TUBGCP5: variants seen among roughly 807,000 people sequenced by gnomAD.
TUBGCP5 encodes tubulin gamma complex component 5, also known as gamma-tubulin complex component 5.
Under a neutral mutation model 134.7 loss-of-function variants are expected in TUBGCP5, and 98 were observed. The ratio of observed to expected loss-of-function variants is 0.73; its 90% CI spans 0.62 to 0.86. The LOEUF is 0.86. Ranked by LOEUF, TUBGCP5 falls within the 40% of genes least tolerant of loss-of-function variation. TUBGCP5 has a pLI of 0.00. For synonymous variants in TUBGCP5, 456 were observed against 431.4 expected (o/e 1.06, Z -0.71); for missense variants, 1,150 against 1,244.8 (o/e 0.92, Z 1.15).
intron 1 of TUBGCP5, 94 bp from the exon 2 acceptor site, chr15:23,037,246 C>G: frequency 8.7e-7 from 1 of 1,148,258 alleles, no homozygotes. Context: ...ATGCTCTGTA[C>G]TCAGCTACAC....
At chr15:23,002,139 CAAAAAAAAAAGA>C (rs1225363777) in intron 21 of TUBGCP5, among the ~76,000 whole-genome samples, 4 of 95,834 alleles carry the variant, frequency 4.2e-5, no homozygotes, top group South Asian at 3.1e-4. Context: ...CAAAGTGAGA[CAAAAAAAAAAGA>C]AAAAAAAAAA....
At chr15:23,032,876 A>ACAC (rs1360204310) in intron 3 of TUBGCP5, 52 bp from the exon 4 acceptor site, 1 of 1,340,410 alleles carries the variant, frequency 7.5e-7, no homozygotes, top group African/African-American at 1.5e-5. Context: ...AATGCTTTCT[A>ACAC]CACCAGATTG....
At chr15:23,026,831 G>C (rs2140601940) in intron 7 of TUBGCP5, among the ~76,000 whole-genome samples, 1 of 152,184 alleles carries the variant, frequency 6.6e-6, no homozygotes, top group African/African-American at 2.4e-5. Flanking sequence ...TACTTGGGAG[G>C]CTGAAGGACG....
chr15:22,996,970 GA>G (rs375112022), downstream of TUBGCP5: 6,966 of 139,732 alleles, frequency 0.05, 405 homozygotes, highest in African/African-American at 0.15. Context: ...TTGCATCAAT[GA>G]AAAAAAAAAA....
chr15:23,020,240 C>G (rs1009427038), intron 11 of TUBGCP5, among the ~76,000 whole-genome samples: 1 of 152,044 alleles, frequency 6.6e-6, no homozygotes, highest in African/African-American at 2.4e-5. Context: ...AACCCCATCT[C>G]TATTAAAAAT....
rs777097006 is a variant in TUBGCP5, at chr15:23,011,305, G to C, written c.1783C>G (p.Leu595Val). 11 of 1,613,470 alleles carry C rather than the reference G, an allele frequency of 6.8e-6. No homozygotes were observed. In the East Asian group the frequency reaches 1.1e-4, roughly 16 times the overall value. The change falls in exon 14 of 23, where the codon CTC (leucine) becomes GTC (valine). Residue 595 changes from leucine (L) to valine (V), a missense_variant. This residue lies in a region of TUBGCP5 where 697 missense variants were observed against 850.1 expected (regional missense o/e 0.82). Coordinates refer to ENST00000615383, the MANE Select transcript of TUBGCP5 (RefSeq NM_052903.6). ...RDAERKSLYT[L>V]FLESVQSRLR... ...CGGGACTGTACAGATTCCAGAAAGA[G>C]AGTGTATAAACTTTTTCTTTCTGCA...
At position 22,990,030 on chromosome 15, in the gene TUBGCP5, T is replaced by C. The variant is rs140627485; in HGVS notation, c.*62-6419A>G. On this transcript the variant is annotated intron_variant and NMD_transcript_variant, in intron 23 of 23. Transcript: ENST00000614508. ...CAGGAGGCATCAGAGTCCTCTGAGA[T>C]CACACATGAACCATGCAGCTGTGCA... Among the ~76,000 whole-genome samples the C allele has an allele frequency of 2.4e-3, 368 of 152,276 alleles. 1 individual carries two copies. The highest frequency in any genetic ancestry group is 4.2e-3 in the Non-Finnish European group (285 of 68,018).
chr15:23,005,943 CTTTT>C, intron 18 of TUBGCP5, 105 bp downstream of exon 18: 3 of 803,394 alleles, frequency 3.7e-6, no homozygotes, highest in Non-Finnish European at 4.9e-6. Context: ...CAACCACCAA[CTTTT>C]TTTTTTTTTC....
At chr15:23,010,968 G>A (rs1382215263) in intron 14 of TUBGCP5, among the ~76,000 whole-genome samples, 165 bp downstream of exon 14, 1 of 150,808 alleles carries the variant, frequency 6.6e-6, no homozygotes, top group Non-Finnish European at 1.5e-5. Context: ...GTGACAGACT[G>A]AGGCTCCATC....
Position 22,999,732 on chromosome 15 carries a change from A to G in TUBGCP5, c.*88T>C, listed in dbSNP as rs533553465. On this transcript the variant is annotated 3_prime_UTR_variant, in exon 23 of 23. Coordinates refer to ENST00000615383, the MANE Select transcript of TUBGCP5 (RefSeq NM_052903.6). Reference sequence around the variant, plus strand: ...GGACAAGTTTTACAAATAAACCAAAATAAAAATATTTTCACTTTTCAGCTG... The same window carrying G: ...GGACAAGTTTTACAAATAAACCAAAGTAAAAATATTTTCACTTTTCAGCTG... 30 of 1,474,468 alleles carry G rather than the reference A, an allele frequency of 2.0e-5. No individual in the cohort carries two copies. The Admixed American group carries it at 4.7e-4, about 23-fold the overall frequency. The allele number at this position is 1,474,468 out of a possible 1,614,324, so 91.3% of individuals were successfully genotyped here.
At position 23,004,191 on chromosome 15, in the gene TUBGCP5, C is replaced by T. The variant is rs1322414111; in HGVS notation, c.2749G>A (p.Val917Ile). The T allele has an allele frequency of 6.2e-7, 1 of 1,613,236 alleles. No individual in the cohort carries two copies. The highest frequency in any genetic ancestry group is 2.2e-5 in the East Asian group (1 of 44,868). Residue 917 changes from valine to isoleucine, a missense_variant, in exon 20 of 23, where the codon GTC (valine) becomes ATC (isoleucine). By Grantham distance (29) the Val-to-Ile change is conservative (BLOSUM62 3). Around this residue, in one of 2 missense-constraint regions of TUBGCP5, gnomAD observed 697 missense variants for 850.1 expected, o/e 0.82. Transcript: ENST00000615383. ...HSTGLEFQHQ[V>I]EEAKDLDQLI... ...TGATCTAAATCCTTGGCTTCCTCGA[C>T]TTGATGTTGAAACTCCAGCCCTGTA...
chr15:23,019,026 A>G (rs917453594), intron 12 of TUBGCP5, among the ~76,000 whole-genome samples, 193 bp downstream of exon 12: 5 of 152,250 alleles, frequency 3.3e-5, no homozygotes, highest in Non-Finnish European at 7.3e-5. Flanking sequence ...TTGGACAAAG[A>G]TATTTCTAAT....
At chr15:23,008,578 A>G (rs1429317625) in intron 16 of TUBGCP5, 121 bp downstream of exon 16, 1 of 1,262,520 alleles carries the variant, frequency 7.9e-7, no homozygotes, top group Non-Finnish European at 1.1e-6. Context: ...AATAAGTAAA[A>G]TAATATTAGT....
intron 13 of TUBGCP5, among the ~76,000 whole-genome samples, chr15:23,016,984 A>ATATATATATATATATATATATATATG (rs1555439472): frequency 1.4e-5 from 2 of 145,792 alleles, no homozygotes; most frequent in Admixed American, 6.8e-5. Context: ...ATATATATAT[A>ATATATATATATATATATATATATATG]TATGTATATA....
downstream of TUBGCP5, among the ~76,000 whole-genome samples, chr15:22,995,243 A>AAAAT (rs1009136400): frequency 2.0e-5 from 3 of 151,902 alleles, no homozygotes; most frequent in East Asian, 5.8e-4. Context: ...GAATCTGTCT[A>AAAAT]AAATAAATAA....
Position 23,022,156 on chromosome 15 carries a change from T to A in TUBGCP5, c.1174A>T (p.Thr392Ser), listed in dbSNP as rs901740042. 4.3e-6 allele frequency: 7 copies of A among 1,613,896 alleles called. No individual in the cohort carries two copies. Among genetic ancestry groups the A allele is most frequent in the East Asian group, 4.5e-5 (2 of 44,898 alleles). Reference protein sequence around the residue: ...IEKCIINNDTTITLAIVVDKL... With the variant: ...IEKCIINNDTSITLAIVVDKL... ...TCCACCACTATTGCAAGAGTTATTG[T>A]AGTATCTGCAAATATCAATAAATCA... Residue 392 changes from threonine to serine, a missense_variant, in exon 11 of 23, where the codon ACA becomes TCA. Around this residue, in one of 2 missense-constraint regions of TUBGCP5, gnomAD observed 697 missense variants for 850.1 expected, o/e 0.82. Coordinates refer to ENST00000615383, the MANE Select transcript of TUBGCP5 (RefSeq NM_052903.6).
intron 3 of TUBGCP5, among the ~76,000 whole-genome samples, chr15:23,034,600 C>T (rs1233943573): frequency 1.3e-5 from 2 of 152,144 alleles, no homozygotes; most frequent in Admixed American, 6.5e-5. Context: ...TGGCTCACGC[C>T]TGTAATCCCA....
intron 13 of TUBGCP5, among the ~76,000 whole-genome samples, chr15:23,015,461 G>A (rs948176050): frequency 1.3e-5 from 2 of 150,796 alleles, no homozygotes; most frequent in Admixed American, 1.3e-4. Context: ...CACCAACATG[G>A]TAAAACCCGA....
At chr15:23,007,038 T>C (rs2064757386) in intron 16 of TUBGCP5, among the ~76,000 whole-genome samples, 1 of 152,078 alleles carries the variant, frequency 6.6e-6, no homozygotes, top group Non-Finnish European at 1.5e-5. Flanking sequence ...AGTGGGGAGT[T>C]AACTTCCAAA....
Sources: gnomAD v4.1 joint callset for allele counts (sites outside exome capture counted in the v4.1 genomes callset) on GRCh38, gnomAD v4.1.1 for gene constraint, gnomAD v4.1.1 regional missense constraint, MANE v1.5 for transcripts, NCBI Gene and HGNC (gene_info 2026-07-23, HGNC 2026-07-21) for gene names.